Variants in LARP7 observed in about 807,000 individuals in gnomAD.
The protein encoded by LARP7 is la-related protein 7.
A neutral mutation model predicts 69.3 loss-of-function variants in LARP7; 52 were observed. The ratio of observed to expected loss-of-function variants is 0.75; its 90% CI spans 0.60 to 0.95. The LOEUF (loss-of-function observed/expected upper bound fraction) is 0.95. Among genes scored for constraint, LARP7 ranks in the 40% least tolerant of loss-of-function variants. LARP7 has a pLI of 0.00. For synonymous variants in LARP7, 254 were observed against 215.9 expected (o/e 1.18, Z -1.55); for missense variants, 733 against 673.0 (o/e 1.09, Z -0.99).
chr4:112,648,787 G>C, intron 8 of LARP7: 1 of 249,164 alleles, frequency 4.0e-6, no homozygotes, highest in Non-Finnish European at 8.3e-6. Flanking sequence ...ATCATTACAA[G>C]GGCCTTTTGT....
chr4:112,653,273 T>A (rs750113988), intron 11 of LARP7, 37 bp downstream of exon 11: 12 of 1,514,512 alleles, frequency 7.9e-6, no homozygotes, highest in Non-Finnish European at 1.1e-5. Context: ...TTTTTTGTTA[T>A]CATCCTTATT....
chr4:112,648,663 C>T (rs2048523011), intron 8 of LARP7: 1 of 397,098 alleles, frequency 2.5e-6, no homozygotes, highest in Non-Finnish European at 5.3e-6. Context: ...CCTTCCTGAA[C>T]TAGTTCCCAA....
Position 112,647,203 on chromosome 4 carries a change from G to T in LARP7, c.651G>T (p.Glu217Asp). 3.1e-6 allele frequency: 5 copies of T among 1,587,492 alleles called. No individual in the cohort carries two copies. Among genetic ancestry groups the T allele is most frequent in the Non-Finnish European group, 4.3e-6 (5 of 1,172,576 alleles). The part of the protein sequence containing the change: ...KPIPALRVVE[E>D]KKKKKKKKGR... ...ATAATGATGGCACTTTTACAGAAGA[G>T]AAGAAAAAGAAAAAGAAGAAGAAAG... Residue 217 changes from glutamate to aspartate, a missense_variant, in exon 7 of 13, where the codon GAG (glutamate) becomes GAT (aspartate). Physicochemically the swap from Glu to Asp is conservative, Grantham distance 45. Coordinates refer to ENST00000344442, the MANE Select transcript of LARP7 (RefSeq NM_016648.4).
In LARP7 at chr4:112,649,636, T is replaced by C. The variant is rs1232976484; in HGVS notation, c.1244T>C (p.Met415Thr). 1.9e-6 allele frequency: 3 copies of C among 1,608,672 alleles called. No homozygotes were observed. The highest frequency in any genetic ancestry group is 2.5e-6 in the Non-Finnish European group (3 of 1,177,548). The change falls in exon 9 of 13, where the codon ATG (methionine) becomes ACG (threonine). Residue 415 changes from methionine to threonine, a missense_variant. Transcript: ENST00000344442. Reference protein sequence around the residue: ...TISQIKSESEMETDSGVPQNT... With the variant: ...TISQIKSESETETDSGVPQNT... ...TCCCAAATAAAATCAGAGTCAGAAA[T>C]GGAAACAGACAGTGGAGTACCTCAA...
chr4:112,645,523 T>G (rs1421795178), intron 2 of LARP7: 5 of 456,162 alleles, frequency 1.1e-5, no homozygotes, highest in African/African-American at 8.0e-5. Flanking sequence ...TTCATTTTTT[T>G]GAGGCAAGGT....
chr4:112,648,454 G>A lies in LARP7; in HGVS notation c.1142+620G>A, dbSNP rs73841094. 1,047 of 534,234 alleles carry A rather than the reference G, an allele frequency of 2.0e-3. 6 individuals carry two copies. Among genetic ancestry groups the A allele is most frequent in the African/African-American group, 0.017 (884 of 52,002 alleles). The allele number at this position is 534,234 out of a possible 1,614,324, so 33.1% of individuals were successfully genotyped here. On this transcript the variant is annotated intron_variant, in intron 8 of 12. Transcript: ENST00000344442. ...GGGGATCCCTTCAAATGAGGTTAGC[G>A]TGTTCTATTTTGGAGAAGTAAATTG...
chr4:112,657,091 T>G (rs1328309791), intron 12 of LARP7, among the ~76,000 whole-genome samples, 156 bp from the exon 13 acceptor site: 1 of 152,124 alleles, frequency 6.6e-6, no homozygotes, highest in African/African-American at 2.4e-5. Flanking sequence ...AGCATAATTA[T>G]CTCATTTGTC....
intron 2 of LARP7, chr4:112,645,790 A>G: frequency 2.9e-6 from 1 of 348,642 alleles, no homozygotes. Context: ...TTGCTGAGAT[A>G]AGAAGCATTG....
At position 112,647,181 on chromosome 4, in the gene LARP7, A is replaced by G. The variant is rs1478685374; in HGVS notation, c.647-18A>G. The G allele has an allele frequency of 6.3e-7, 1 of 1,591,784 alleles. No homozygotes were observed. Among genetic ancestry groups the G allele is most frequent in the Admixed American group, 1.9e-5 (1 of 53,060 alleles). On this transcript the variant is annotated intron_variant, in intron 6 of 12. Coordinates refer to ENST00000344442, the MANE Select transcript of LARP7 (RefSeq NM_016648.4). ...GTAGTTGAAGTAAGATGAACTAATAATGATGGCACTTTTACAGAAGAGAAG... is the reference window on the plus strand; with the variant it reads ...GTAGTTGAAGTAAGATGAACTAATAGTGATGGCACTTTTACAGAAGAGAAG...
At chr4:112,652,894 T>C (rs2048809488) in intron 10 of LARP7, among the ~76,000 whole-genome samples, 183 bp from the exon 11 acceptor site, 1 of 152,164 alleles carries the variant, frequency 6.6e-6, no homozygotes. Flanking sequence ...AGAGTTGATA[T>C]TATTCAAATC....
chr4:112,651,276 C>A (rs1273738616), intron 10 of LARP7, among the ~76,000 whole-genome samples: 1 of 152,148 alleles, frequency 6.6e-6, no homozygotes, highest in Non-Finnish European at 1.5e-5. Context: ...GTAGACTCAT[C>A]AGTCACAGGT....
chr4:112,646,705 C>G (rs769058763), intron 4 of LARP7, 34 bp downstream of exon 4: 1 of 1,559,762 alleles, frequency 6.4e-7, no homozygotes, highest in South Asian at 1.2e-5. Context: ...CAGTCAGAAA[C>G]TGGCACAGAA....
chr4:112,640,042 G>A (rs891586227), intron 1 of LARP7, among the ~76,000 whole-genome samples: 5 of 151,994 alleles, frequency 3.3e-5, no homozygotes, highest in Non-Finnish European at 7.4e-5. Context: ...GGGTTCAAGC[G>A]ATTCTCCTGC....
In LARP7 at chr4:112,644,683, G is replaced by A. The variant is rs779049757; in HGVS notation, c.14G>A (p.Ser5Asn). 4 of 1,603,112 alleles carry A rather than the reference G, an allele frequency of 2.5e-6. No individual in the cohort carries two copies. Among genetic ancestry groups the A allele is most frequent in the East Asian group, 4.5e-5 (2 of 44,602 alleles). The stretch of plus-strand genomic sequence containing the variant: ...TAATTCACAGGAATGGAAACTGAAA[G>A]TGGAAATCAGGAAAAGGTAATGGAA... Reference protein sequence around the residue: METESGNQEKVMEEE... With the variant: METENGNQEKVMEEE... The change falls in exon 2 of 13, where the codon AGT becomes AAT. Residue 5 changes from serine to asparagine, a missense_variant. Transcript: ENST00000344442.
At chr4:112,645,057 CTGCCT>C (rs1485641271) in intron 2 of LARP7, among the ~76,000 whole-genome samples, 186 bp downstream of exon 2, 1 of 142,966 alleles carries the variant, frequency 7.0e-6, no homozygotes, top group African/African-American at 2.6e-5. Flanking sequence ...AGTGATTCTC[CTGCCT>C]CAGCCTCCCG....
At chr4:112,640,402 A>C (rs1181859344) in intron 1 of LARP7, among the ~76,000 whole-genome samples, 4 of 152,200 alleles carry the variant, frequency 2.6e-5, no homozygotes, top group Non-Finnish European at 5.9e-5. Flanking sequence ...ATAGGTAGAC[A>C]ATAAAATTAA....
intron 8 of LARP7, among the ~76,000 whole-genome samples, chr4:112,648,939 AAAAG>A (rs769582786): frequency 5.3e-5 from 8 of 151,404 alleles, no homozygotes; most frequent in East Asian, 1.9e-4. Context: ...AAAAAAAAGA[AAAAG>A]AAAAAGAAAA....
intron 1 of LARP7, 69 bp from the exon 2 acceptor site, chr4:112,644,599 T>A: frequency 8.1e-7 from 1 of 1,241,258 alleles, no homozygotes; most frequent in Non-Finnish European, 1.1e-6. Context: ...TAAAGGCTAA[T>A]CTAAATATTT....
At chr4:112,643,168 A>G (rs533648311) in intron 1 of LARP7, among the ~76,000 whole-genome samples, 2 of 152,362 alleles carry the variant, frequency 1.3e-5, no homozygotes, top group East Asian at 3.9e-4. Flanking sequence ...GATAAACAAC[A>G]AAGAAATAAA....
Sources: allele counts gnomAD v4.1 joint callset (sites outside exome capture counted in the v4.1 genomes callset), GRCh38; gene constraint gnomAD v4.1.1; transcripts MANE v1.5; gene names NCBI Gene and HGNC (gene_info 2026-07-23, HGNC 2026-07-21).